Variants in NFATC3 observed in about 807,000 individuals in gnomAD.
NFATC3 encodes nuclear factor of activated T-cells, cytoplasmic 3.
Under a neutral mutation model 98.6 loss-of-function variants are expected in NFATC3, and 46 were observed. That is an observed-to-expected ratio of 0.47 (90% CI 0.37 to 0.60). NFATC3 has a LOEUF of 0.60. Ranked by LOEUF, NFATC3 falls within the 20% of genes least tolerant of loss-of-function variation. The probability of loss-of-function intolerance (pLI) is 0.00; values close to 1 mark genes in which losing one functional copy is unlikely to be tolerated. For synonymous variants in NFATC3, 512 were observed against 472.2 expected (o/e 1.08, Z -1.09); for missense variants, 1,256 against 1,295.5 (o/e 0.97, Z 0.47).
At chr16:68,117,077 T>A (rs1328209874) in intron 1 of NFATC3, among the ~76,000 whole-genome samples, 1 of 152,200 alleles carries the variant, frequency 6.6e-6, no homozygotes, top group Non-Finnish European at 1.5e-5. Context: ...TATAATATTA[T>A]GGGATCTAAA....
rs201472801 is a variant in NFATC3, at chr16:68,123,114, A to G, written c.1231A>G (p.Ile411Val). The change falls in exon 2 of 10, where the codon ATA becomes GTA. Residue 411 changes from isoleucine (I) to valine (V), a missense_variant. Physicochemically the swap from Ile to Val is conservative, Grantham distance 29. Coordinates refer to ENST00000346183, the MANE Select transcript of NFATC3 (RefSeq NM_173165.3). ...WSKPKPGHTPIFRTSSLPPLD... is the reference protein window; with the variant it reads ...WSKPKPGHTPVFRTSSLPPLD... ...CAAACCAAAGCCTGGCCACACCCCTATATTTCGGTGAGTTGATGGAAATGG... is the reference window on the plus strand; with the variant it reads ...CAAACCAAAGCCTGGCCACACCCCTGTATTTCGGTGAGTTGATGGAAATGG... The G allele has an allele frequency of 2.1e-5, 33 of 1,594,680 alleles. 1 individual carries two copies. Among genetic ancestry groups the G allele is most frequent in the Middle Eastern group, 1.7e-4 (1 of 6,024 alleles).
intron 1 of NFATC3, among the ~76,000 whole-genome samples, chr16:68,115,171 CG>C (rs1736185553): frequency 6.6e-6 from 1 of 151,308 alleles, no homozygotes; most frequent in Non-Finnish European, 1.5e-5. Context: ...TCAAGTGATT[CG>C]CCTTGCCTCA....
intron 1 of NFATC3, among the ~76,000 whole-genome samples, chr16:68,087,757 C>G (rs950163998): frequency 8.5e-5 from 13 of 152,164 alleles, no homozygotes; most frequent in Non-Finnish European, 1.9e-4. Context: ...GGATCTGTCT[C>G]TATGGTACCT....
chr16:68,152,064 C>CAA (rs113165246), intron 3 of NFATC3, among the ~76,000 whole-genome samples: 18 of 80,374 alleles, frequency 2.2e-4, no homozygotes, highest in Admixed American at 1.5e-3. Context: ...GGCTCCGTTT[C>CAA]AAAAAAAAAA....
At chr16:68,178,263 G>C (rs370169842) in intron 6 of NFATC3, among the ~76,000 whole-genome samples, 1 of 152,062 alleles carries the variant, frequency 6.6e-6, no homozygotes, top group Non-Finnish European at 1.5e-5. Context: ...TTACAAACTA[G>C]TTTTTCTCTC....
At chr16:68,212,755 G>C (rs1181651423) in intron 9 of NFATC3, 1 of 147,642 alleles carries the variant, frequency 6.8e-6, no homozygotes. Flanking sequence ...AATGCAGCCT[G>C]CTATCTTCTA....
Position 68,217,768 on chromosome 16 carries a change from A to G in NFATC3, c.3107-8582A>G, listed in dbSNP as rs1598623069. ...GACTGAGTCTTAGCCCGAGGAAGGGATGGGAAAAAGGGAGGAAGAAGGAGG... is the reference window on the plus strand; with the variant it reads ...GACTGAGTCTTAGCCCGAGGAAGGGGTGGGAAAAAGGGAGGAAGAAGGAGG... On this transcript the variant is annotated intron_variant, in intron 9 of 9. Transcript: ENST00000346183. The G allele has an allele frequency of 1.1e-5, 13 of 1,231,622 alleles. No individual in the cohort carries two copies. The East Asian group carries it at 4.1e-4, about 39-fold the overall frequency. 76.3% of individuals were successfully genotyped at this position (1,231,622 alleles called of 1,614,324 possible). A position where few individuals can be genotyped will look rare whatever the true frequency, so the allele number is the denominator to read the frequency against.
chr16:68,098,952 G>C (rs1269631249), intron 1 of NFATC3, among the ~76,000 whole-genome samples: 1 of 152,144 alleles, frequency 6.6e-6, no homozygotes, highest in Non-Finnish European at 1.5e-5. Context: ...CCTTTACTCA[G>C]TTTCTCCCAA....
intron 1 of NFATC3, among the ~76,000 whole-genome samples, chr16:68,091,726 G>A (rs1237717837): frequency 1.3e-5 from 2 of 152,196 alleles, no homozygotes; most frequent in Non-Finnish European, 2.9e-5. Flanking sequence ...TTGATAGTAA[G>A]CAGTAGTTTG....
chr16:68,159,509 G>A (rs906292053), intron 4 of NFATC3, among the ~76,000 whole-genome samples: 1 of 149,866 alleles, frequency 6.7e-6, no homozygotes, highest in Non-Finnish European at 1.5e-5. Flanking sequence ...CGCAAGCTCC[G>A]CCTCCTGGGT....
chr16:68,119,702 C>G (rs760190486), intron 1 of NFATC3, among the ~76,000 whole-genome samples: 2 of 152,182 alleles, frequency 1.3e-5, no homozygotes, highest in Non-Finnish European at 2.9e-5. Context: ...ATTAAATTAA[C>G]ATCTTTGCCT....
intron 3 of NFATC3, among the ~76,000 whole-genome samples, chr16:68,136,043 A>G (rs541787267): frequency 1.3e-5 from 2 of 152,328 alleles, no homozygotes; most frequent in Non-Finnish European, 2.9e-5. Context: ...AGCCTGGGCA[A>G]CAAGAGTGAA....
At chr16:68,168,293 G>T (rs2039308001) in intron 5 of NFATC3, among the ~76,000 whole-genome samples, 1 of 151,914 alleles carries the variant, frequency 6.6e-6, no homozygotes, top group Non-Finnish European at 1.5e-5. Flanking sequence ...CTCCTGAGTA[G>T]CCGGGGCTAC....
At chr16:68,107,426 A>G (rs1216448555) in intron 1 of NFATC3, among the ~76,000 whole-genome samples, 1 of 152,124 alleles carries the variant, frequency 6.6e-6, no homozygotes, top group Non-Finnish European at 1.5e-5. Flanking sequence ...TGACTTTTTA[A>G]TGACTGCCAT....
chr16:68,164,329 G>A (rs1010037833), intron 4 of NFATC3, among the ~76,000 whole-genome samples: 6 of 152,170 alleles, frequency 3.9e-5, no homozygotes, highest in Non-Finnish European at 7.3e-5. Context: ...GCAGTGAGCC[G>A]AGATGGCAGC....
chr16:68,202,140 A>G (rs1810624416), intron 9 of NFATC3, among the ~76,000 whole-genome samples: 1 of 152,040 alleles, frequency 6.6e-6, no homozygotes, highest in South Asian at 2.1e-4. Context: ...CCACAGCTGC[A>G]GCTCTTCAGC....
At chr16:68,211,668 A>T (rs2041404070) in intron 9 of NFATC3, among the ~76,000 whole-genome samples, 1 of 149,946 alleles carries the variant, frequency 6.7e-6, no homozygotes. Context: ...GATTACAGGC[A>T]TCTACCACAC....
At chr16:68,102,254 C>A (rs372725231) in intron 1 of NFATC3, among the ~76,000 whole-genome samples, 6 of 151,724 alleles carry the variant, frequency 4.0e-5, no homozygotes, top group Admixed American at 2.0e-4. Context: ...TGGCTGTAAT[C>A]CCAGCTACTT....
At chr16:68,173,943 G>T (rs2151611653) in intron 5 of NFATC3, among the ~76,000 whole-genome samples, 1 of 152,210 alleles carries the variant, frequency 6.6e-6, no homozygotes, top group African/African-American at 2.4e-5. Flanking sequence ...GAAGCCAGGA[G>T]TTTGAGACCA....
Sources: gnomAD v4.1 joint callset for allele counts (sites outside exome capture counted in the v4.1 genomes callset) on GRCh38, gnomAD v4.1.1 for gene constraint, MANE v1.5 for transcripts, NCBI Gene and HGNC (gene_info 2026-07-23, HGNC 2026-07-21) for gene names.